Variants in RC3H2 observed in about 807,000 individuals in gnomAD.
RC3H2 encodes roquin-2.
In RC3H2, 31 loss-of-function variants were observed where a neutral mutation model predicts 133.3. That is an observed-to-expected ratio of 0.23 (90% confidence interval 0.17 to 0.31). RC3H2 has a LOEUF of 0.31. Ranked by LOEUF, RC3H2 falls within the 10% of genes least tolerant of loss-of-function variation. The pLI, the probability that RC3H2 is intolerant of heterozygous loss-of-function variation, is 1.00. For missense variants in RC3H2, 1,175 were observed against 1,437.2 expected (o/e 0.82, Z 2.95); for synonymous variants, 517 against 502.2 (o/e 1.03, Z -0.40).
intron 9 of RC3H2, among the ~76,000 whole-genome samples, chr9:122,873,635 C>T (rs949926632): frequency 2.6e-5 from 4 of 151,706 alleles, no homozygotes; most frequent in African/African-American, 7.3e-5. Flanking sequence ...ATCCCCTGAG[C>T]CTGGGAGGCA....
At position 122,855,842 on chromosome 9, in the gene RC3H2, C is replaced by G; in HGVS notation, c.2491G>C (p.Asp831His). The change falls in exon 14 of 21, where the codon GAT becomes CAT. Residue 831 changes from aspartate (D) to histidine (H), a missense_variant. Asp to His is a moderately conservative substitution (Grantham distance 81, BLOSUM62 -1). Transcript: ENST00000357244. ...CAGGGAGAATAATGGGAAAGATGAT[C>G]TTCTTCAAATTTTGTACCACTCACA... Reference protein sequence around the residue: ...ESVSGTKFEEDHLSHYSPWSC... With the variant: ...ESVSGTKFEEHHLSHYSPWSC... 1 of 1,613,286 alleles carries G rather than the reference C, an allele frequency of 6.2e-7. No homozygotes were observed. The highest frequency in any genetic ancestry group is 8.5e-7 in the Non-Finnish European group (1 of 1,179,572).
rs1228873136 is a variant in RC3H2, at chr9:122,854,550, A to G, written c.2881T>C (p.Ser961Pro). The G allele has an allele frequency of 1.2e-6, 2 of 1,612,738 alleles. No individual in the cohort carries two copies. The highest frequency in any genetic ancestry group is 2.2e-5 in the East Asian group (1 of 44,868). ...CGTTACCTTTCAACATAGTGTGCTG[A>G]TGATGTGGCCTCGTTGCCATATGAA... is the stretch of plus-strand genomic sequence containing the variant. Reference protein sequence around the residue: ...WSSYGNEATSSAHYVERDRFI... With the variant: ...WSSYGNEATSPAHYVERDRFI... Residue 961 changes from serine (S) to proline (P), a missense_variant, in exon 16 of 21, where the codon TCA becomes CCA. Physicochemically the swap from Ser to Pro is moderately conservative, Grantham distance 74. Coordinates refer to ENST00000357244, the MANE Select transcript of RC3H2 (RefSeq NM_001100588.3).
intron 2 of RC3H2, among the ~76,000 whole-genome samples, chr9:122,894,651 G>A (rs1229782256): frequency 6.6e-6 from 1 of 152,116 alleles, no homozygotes; most frequent in African/African-American, 2.4e-5. Flanking sequence ...AGGCCAAGGT[G>A]GGCAGATCAC....
intron 9 of RC3H2, among the ~76,000 whole-genome samples, chr9:122,870,352 C>A (rs2131428710): frequency 6.6e-6 from 1 of 151,072 alleles, no homozygotes; most frequent in East Asian, 2.0e-4. Flanking sequence ...TCCAGCCTGG[C>A]CGACAGAGCA....
chr9:122,856,527 T>G (rs1381042033), intron 13 of RC3H2, among the ~76,000 whole-genome samples: 2 of 152,194 alleles, frequency 1.3e-5, no homozygotes, highest in Non-Finnish European at 2.9e-5. Context: ...AGTGCTGGGA[T>G]TATAGGCATG....
rs1830313240 is a variant in RC3H2 at position 122,857,979 on chromosome 9, C to G, written c.2398G>C (p.Ala800Pro). 6.2e-7 allele frequency: 1 copy of G among 1,614,058 alleles called. No homozygotes were observed. Among genetic ancestry groups the G allele is most frequent in the Non-Finnish European group, 8.5e-7 (1 of 1,179,926 alleles). The change falls in exon 13 of 21, where the codon GCA (alanine) becomes CCA (proline). Residue 800 changes from alanine (A) to proline (P), a missense_variant. Transcript: ENST00000357244. ...APLVSSTLPV[A>P]TQSPTPPSPL... ...GAAGGTGGTGTTGGTGACTGTGTTG[C>G]CACAGGAAGAGTTGAAGAGACAAGA...
At chr9:122,866,290 G>A (rs1830650422) in intron 9 of RC3H2, among the ~76,000 whole-genome samples, 1 of 151,534 alleles carries the variant, frequency 6.6e-6, no homozygotes, top group African/African-American at 2.4e-5. Flanking sequence ...GGTGATCATT[G>A]GATATAATAC....
intron 8 of RC3H2, 109 bp from the exon 9 acceptor site, chr9:122,877,692 T>G (rs1831401800): frequency 1.3e-6 from 1 of 779,960 alleles, no homozygotes; most frequent in Non-Finnish European, 2.1e-6. Context: ...TTTTTCACAT[T>G]AGACAAGTAA....
chr9:122,888,769 A>G (rs545397265), intron 4 of RC3H2, among the ~76,000 whole-genome samples: 1 of 152,326 alleles, frequency 6.6e-6, no homozygotes, highest in African/African-American at 2.4e-5. Flanking sequence ...GATGTTTGCT[A>G]TTACAAATAG....
intron 9 of RC3H2, among the ~76,000 whole-genome samples, chr9:122,868,900 T>G (rs1424856735): frequency 3.3e-5 from 4 of 121,952 alleles, no homozygotes; most frequent in Non-Finnish European, 6.5e-5. Flanking sequence ...TATGTGTTTT[T>G]TTTTTTTTTT....
In RC3H2 at chr9:122,859,181, C is replaced by A. The variant is rs7861476; in HGVS notation, c.1850-79G>T. 4,374 of 1,156,950 alleles carry A rather than the reference C, an allele frequency of 3.8e-3. 126 individuals carry two copies. In the African/African-American group the frequency reaches 0.061, roughly 16 times the overall value. The allele number at this position is 1,156,950 out of a possible 1,614,324, so 71.7% of individuals were successfully genotyped here. A position where few individuals can be genotyped will look rare whatever the true frequency, so the allele number is the denominator to read the frequency against. On this transcript the variant is annotated intron_variant, in intron 11 of 20. Transcript: ENST00000357244. ...TTATAATGGCTTAAATCTAAGGCAG[C>A]CCTTAATGTAGGAAAATATAATAAG... is the stretch of plus-strand genomic sequence containing the variant.
chr9:122,868,622 T>G (rs1394517119), intron 9 of RC3H2, among the ~76,000 whole-genome samples: 1 of 152,080 alleles, frequency 6.6e-6, no homozygotes, highest in Non-Finnish European at 1.5e-5. Flanking sequence ...CGCAGGGTCC[T>G]CTGCCTAGGA....
chr9:122,889,062 T>C (rs1405712594), intron 4 of RC3H2, among the ~76,000 whole-genome samples: 8 of 152,214 alleles, frequency 5.3e-5, no homozygotes, highest in Admixed American at 3.9e-4. Context: ...CAGTTGGTTG[T>C]TGGTCTTTTT....
rs576712696 is a variant in RC3H2 at position 122,873,337 on chromosome 9, A to C, written c.1325+4134T>G. Among the ~76,000 whole-genome samples the C allele has an allele frequency of 4.6e-4, 70 of 152,324 alleles. No homozygotes were observed. The Middle Eastern group carries it at 0.014, about 30-fold the overall frequency. ...TGAAGCTGGTTGGAAATAAGAAGTAAGAACTGTATATTATTTGCTCCTCCA... is the reference window on the plus strand; with the variant it reads ...TGAAGCTGGTTGGAAATAAGAAGTACGAACTGTATATTATTTGCTCCTCCA... On this transcript the variant is annotated intron_variant, in intron 9 of 20. Coordinates refer to ENST00000357244, the MANE Select transcript of RC3H2 (RefSeq NM_001100588.3).
intron 4 of RC3H2, among the ~76,000 whole-genome samples, chr9:122,885,978 C>CCTA: frequency 6.6e-6 from 1 of 152,330 alleles, no homozygotes; most frequent in South Asian, 2.1e-4. Context: ...ACCTCCGCCT[C>CCTA]CTAGGTTCAA....
intron 18 of RC3H2, among the ~76,000 whole-genome samples, chr9:122,853,298 T>A (rs1167256309): frequency 4.6e-5 from 7 of 150,580 alleles, no homozygotes; most frequent in Admixed American, 2.0e-4. Flanking sequence ...GTTCACTTGT[T>A]TATCTGCTGA....
chr9:122,891,432 T>A, intron 3 of RC3H2, among the ~76,000 whole-genome samples: 1 of 152,220 alleles, frequency 6.6e-6, no homozygotes, highest in East Asian at 1.9e-4. Flanking sequence ...ATCACTACAA[T>A]TGATCTGTTC....
chr9:122,871,006 T>A (rs1291045762), intron 9 of RC3H2, among the ~76,000 whole-genome samples: 1 of 152,206 alleles, frequency 6.6e-6, no homozygotes, highest in African/African-American at 2.4e-5. Context: ...TCCCTTCCAC[T>A]TTCAACCACC....
chr9:122,855,599 TA>T, intron 14 of RC3H2, 132 bp downstream of exon 14: 1 of 1,068,704 alleles, frequency 9.4e-7, no homozygotes, highest in African/African-American at 1.6e-5. Context: ...CAGACTTACC[TA>T]AATATAACCC....
Sources: allele counts gnomAD v4.1 joint callset (sites outside exome capture counted in the v4.1 genomes callset), GRCh38; gene constraint gnomAD v4.1.1; transcripts MANE v1.5; gene names NCBI Gene and HGNC (gene_info 2026-07-23, HGNC 2026-07-21).